TBCD: variants seen among roughly 807,000 people sequenced by gnomAD.
The protein encoded by TBCD is tubulin-specific chaperone D.
TBCD carries 105 observed loss-of-function variants against 169.3 expected under a neutral mutation model. That is an observed-to-expected ratio of 0.62 (90% CI 0.53 to 0.73). The LOEUF (loss-of-function observed/expected upper bound fraction) is 0.73, where lower values mean the gene tolerates loss of function less well. Among genes scored for constraint, TBCD ranks in the 30% least tolerant of loss-of-function variants. The pLI, the probability that TBCD is intolerant of heterozygous loss-of-function variation, is 0.00. For missense variants in TBCD, 1,444 were observed against 1,600.1 expected, an observed-to-expected ratio of 0.90 and a Z score of 1.66; for synonymous variants, 700 against 643.9, an observed-to-expected ratio of 1.09 and a Z score of -1.32.
At chr17:82,851,599 T>G (rs1271499372) in intron 13 of TBCD, among the ~76,000 whole-genome samples, 1 of 152,086 alleles carries the variant, frequency 6.6e-6, no homozygotes, top group Non-Finnish European at 1.5e-5. Context: ...AGGAGAAAGG[T>G]TCACTCTGCA....
At chr17:82,841,940 G>A (rs1459262669) in intron 13 of TBCD, among the ~76,000 whole-genome samples, 1 of 152,230 alleles carries the variant, frequency 6.6e-6, no homozygotes, top group Non-Finnish European at 1.5e-5. Flanking sequence ...CTAGCAGGGT[G>A]GTCAGCTGTA....
rs1050958638 is a variant in TBCD at position 82,915,816 on chromosome 17, C to T, written c.2038+4027C>T. Reference sequence around the variant, plus strand: ...CCAGAGGGACTGGTGAGCCTTGAGTCGGCCACAGGTGTGTGGAGGATCGTG... The same window carrying T: ...CCAGAGGGACTGGTGAGCCTTGAGTTGGCCACAGGTGTGTGGAGGATCGTG... On this transcript the variant is annotated intron_variant, in intron 23 of 38. Coordinates refer to ENST00000355528, the MANE Select transcript of TBCD (RefSeq NM_005993.5). This position sits in a 1 kb window ranked among gnomAD's most constrained non-coding sequence, Gnocchi z 4.3. 3.3e-5 allele frequency among the ~76,000 whole-genome samples: 5 copies of T among 152,062 alleles called. No homozygotes were observed. Among genetic ancestry groups the T allele is most frequent in the African/African-American group, 9.7e-5 (4 of 41,398 alleles).
chr17:82,789,853 C>T lies in TBCD; in HGVS notation c.772-7904C>T, dbSNP rs758999800. On this transcript the variant is annotated intron_variant, in intron 7 of 38. Coordinates refer to ENST00000355528, the MANE Select transcript of TBCD (RefSeq NM_005993.5). This position sits in a 1 kb window ranked among gnomAD's most constrained non-coding sequence, Gnocchi z 4.8. ...TCCCAGGTCACACCTGTTGTACCAT[C>T]ACTTTCCCCTCCTGGCCTGTTTACC... 6.6e-5 allele frequency among the ~76,000 whole-genome samples: 10 copies of T among 152,228 alleles called. No homozygotes were observed. Among genetic ancestry groups the T allele is most frequent in the Non-Finnish European group, 1.3e-4 (9 of 68,024 alleles).
chr17:82,832,522 C>G lies in TBCD; in HGVS notation c.1318+17588C>G. ...ATCACTGTCGACGCCGCGTGCACTT[C>G]GTGGTTTCTAAAGAGGCACCTCCCG... On this transcript the variant is annotated intron_variant, in intron 13 of 38. Coordinates refer to ENST00000355528, the MANE Select transcript of TBCD (RefSeq NM_005993.5). This position sits in a 1 kb window ranked among gnomAD's most constrained non-coding sequence, Gnocchi z 4.9. 6.9e-7 allele frequency: 1 copy of G among 1,441,554 alleles called. No individual in the cohort carries two copies. Among genetic ancestry groups the G allele is most frequent in the Non-Finnish European group, 9.6e-7 (1 of 1,037,702 alleles). 89.3% of individuals were successfully genotyped at this position (1,441,554 alleles called of 1,614,324 possible).
intron 13 of TBCD, among the ~76,000 whole-genome samples, chr17:82,867,734 A>G (rs888567112): frequency 3.3e-5 from 5 of 152,206 alleles, no homozygotes; most frequent in Admixed American, 6.5e-5. Context: ...CGCGTCTCAC[A>G]TGCATTCTGT....
intron 13 of TBCD, among the ~76,000 whole-genome samples, chr17:82,839,461 C>T (rs969990906): frequency 6.6e-6 from 1 of 151,648 alleles, no homozygotes; most frequent in Non-Finnish European, 1.5e-5. Flanking sequence ...TAAATTCAGC[C>T]TAATGTACAT....
rs761381835 is a variant in TBCD at position 82,805,897 on chromosome 17, T to C, written c.973T>C (p.Leu325=). The change falls in exon 10 of 39, where the codon TTG becomes CTG. Residue 325 remains leucine (L), a synonymous_variant. Coordinates refer to ENST00000355528, the MANE Select transcript of TBCD (RefSeq NM_005993.5). ...AWRYQRGCRS[L]AANLQLLTQG... The stretch of plus-strand genomic sequence containing the variant: ...CAGGTACCAGCGTGGCTGCCGATCT[T>C]TGGCTGCAAATCTGCAGCTCCTCAC... 21 of 1,610,188 alleles carry C rather than the reference T, an allele frequency of 1.3e-5. No homozygotes were observed. The highest frequency in any genetic ancestry group is 3.3e-4 in the Middle Eastern group (2 of 6,070).
Position 82,772,506 on chromosome 17 carries a change from A to C in TBCD, c.637A>C (p.Arg213=), listed in dbSNP as rs772961655. ...ARDAAAVLVS[R]FITRPDVKQS... ...AGATGCAGCTGCTGTCCTTGTGTCC[A>C]GGTAAGTTTCCATGGCACATTTCTT... Residue 213 remains arginine, a splice_region_variant and synonymous_variant, in exon 6 of 39, where the codon AGA becomes CGA. Coordinates refer to ENST00000355528, the MANE Select transcript of TBCD (RefSeq NM_005993.5). 6.2e-6 allele frequency: 10 copies of C among 1,613,712 alleles called. No homozygotes were observed. In the South Asian group the frequency reaches 8.8e-5, roughly 14 times the overall value.
In TBCD at chr17:82,766,248, G is replaced by T. The variant is rs2048009770; in HGVS notation, c.334-19G>T. On this transcript the variant is annotated intron_variant, in intron 3 of 38. Transcript: ENST00000355528. ...CTGTATTTTTAAATGTTATAATTCA[G>T]CATCTCTTTATTTGATAGGTTCGAG... The T allele has an allele frequency of 1.3e-6, 2 of 1,585,654 alleles. No individual in the cohort carries two copies. The highest frequency in any genetic ancestry group is 8.6e-7 in the Non-Finnish European group (1 of 1,162,752).
In TBCD at chr17:82,880,082, G is replaced by A. The variant is rs1273844162; in HGVS notation, c.1476-4063G>A. ...TCACAGCCAGCCACGTCCACGTCTC[G>A]CTTCATCCTTCACGTACCCTATGCC... On this transcript the variant is annotated intron_variant, in intron 14 of 38. Transcript: ENST00000355528. This position sits in a 1 kb window ranked among gnomAD's most constrained non-coding sequence, Gnocchi z 5.0. Among the ~76,000 whole-genome samples the A allele has an allele frequency of 1.3e-5, 2 of 152,058 alleles. No individual in the cohort carries two copies. Among genetic ancestry groups the A allele is most frequent in the Admixed American group, 6.6e-5 (1 of 15,262 alleles).
intron 14 of TBCD, among the ~76,000 whole-genome samples, chr17:82,878,827 C>T (rs1469269309): frequency 6.6e-6 from 1 of 152,180 alleles, no homozygotes; most frequent in African/African-American, 2.4e-5. Context: ...TCAGTGATTG[C>T]AGCTTGTTCT....
chr17:82,927,582 G>A (rs1329304475), intron 29 of TBCD, among the ~76,000 whole-genome samples: 1 of 152,164 alleles, frequency 6.6e-6, no homozygotes, highest in Non-Finnish European at 1.5e-5. Context: ...GGGAGGACGC[G>A]TCTTCAATGA....
rs886520580 is a variant in TBCD, at chr17:82,752,424, C to T, written c.184+47C>T. ...CCCGCTTCCTCCCCCGGCCCGGGTT[C>T]GGCGCGCTGAGTGCACTTTACCGGG... On this transcript the variant is annotated intron_variant, in intron 1 of 38. Coordinates refer to ENST00000355528, the MANE Select transcript of TBCD (RefSeq NM_005993.5). The T allele has an allele frequency of 1.4e-5, 17 of 1,190,320 alleles. No individual in the cohort carries two copies. In the Middle Eastern group the frequency reaches 2.0e-3, roughly 141 times the overall value. The allele number at this position is 1,190,320 out of a possible 1,614,324, so 73.7% of individuals were successfully genotyped here.
chr17:82,795,516 C>T (rs1028487785), intron 7 of TBCD: 2 of 985,540 alleles, frequency 2.0e-6, no homozygotes, highest in East Asian at 1.1e-4. Context: ...CTTCACTGTT[C>T]ATCCCCAGGT....
chr17:82,910,803 C>T (rs1236633425), intron 22 of TBCD, among the ~76,000 whole-genome samples: 2 of 152,118 alleles, frequency 1.3e-5, no homozygotes, highest in Non-Finnish European at 2.9e-5. Context: ...TGACCTGAAG[C>T]GATCCGCCCG....
chr17:82,921,808 T>C (rs2061435209), intron 25 of TBCD, among the ~76,000 whole-genome samples: 1 of 152,258 alleles, frequency 6.6e-6, no homozygotes, highest in Non-Finnish European at 1.5e-5. Flanking sequence ...TTTTTATTGC[T>C]TCTGGCTGTT....
intron 13 of TBCD, among the ~76,000 whole-genome samples, chr17:82,818,521 C>T (rs2145008303): frequency 6.6e-6 from 1 of 152,308 alleles, no homozygotes; most frequent in African/African-American, 2.4e-5. Flanking sequence ...ATCCTAGCCT[C>T]TTGGGAGGCC....
At chr17:82,917,792 C>T (rs2061155605) in intron 23 of TBCD, among the ~76,000 whole-genome samples, 1 of 152,214 alleles carries the variant, frequency 6.6e-6, no homozygotes, top group Non-Finnish European at 1.5e-5. Context: ...TCCCGTTCTC[C>T]TGCTAGCTGG....
chr17:82,932,639 C>T lies in TBCD; in HGVS notation c.3114-19C>T, dbSNP rs377130442. 2.5e-6 allele frequency: 4 copies of T among 1,610,120 alleles called. No individual in the cohort carries two copies. The African/African-American group carries it at 4.0e-5, about 16-fold the overall frequency. ...CTTGTTGCTGGTGTCCAGGGTCTCACAGCTCCTTCTCCCCTCAGGGTGTCC... is the reference window on the plus strand; with the variant it reads ...CTTGTTGCTGGTGTCCAGGGTCTCATAGCTCCTTCTCCCCTCAGGGTGTCC... On this transcript the variant is annotated intron_variant, in intron 33 of 38. Coordinates refer to ENST00000355528, the MANE Select transcript of TBCD (RefSeq NM_005993.5).
Sources: gnomAD v4.1 joint callset for allele counts (sites outside exome capture counted in the v4.1 genomes callset) on GRCh38, gnomAD v4.1.1 for gene constraint, Gnocchi (gnomAD v3.1) non-coding constraint, MANE v1.5 for transcripts, NCBI Gene and HGNC (gene_info 2026-07-23, HGNC 2026-07-21) for gene names.